The following NPSR1 variants were observed in gnomAD, a reference collection of about 807,000 sequenced individuals.
The protein encoded by NPSR1 is neuropeptide S receptor.
NPSR1 carries 48 observed loss-of-function variants against 46.9 expected under a neutral mutation model. The ratio of observed to expected loss-of-function variants is 1.02; its 90% CI spans 0.81 to 1.30. The LOEUF (loss-of-function observed/expected upper bound fraction) is 1.30. Ranked by LOEUF, NPSR1 falls within the 50% of genes most tolerant of loss-of-function variation. The probability of loss-of-function intolerance (pLI) is 0.00; values close to 1 mark genes in which losing one functional copy is unlikely to be tolerated. For synonymous variants in NPSR1, 176 were observed against 168.1 expected (o/e 1.05, Z -0.36); for missense variants, 450 against 449.5 (o/e 1.00, Z -0.01).
chr7:34,704,877 G>A (rs1333646864), intron 2 of NPSR1, among the ~76,000 whole-genome samples: 1 of 152,182 alleles, frequency 6.6e-6, no homozygotes, highest in African/African-American at 2.4e-5. Flanking sequence ...TATGAACCAA[G>A]TTCTGGGTTT....
At chr7:34,795,346 C>T (rs1454250150) in intron 3 of NPSR1, among the ~76,000 whole-genome samples, 1 of 152,082 alleles carries the variant, frequency 6.6e-6, no homozygotes, top group African/African-American at 2.4e-5. Context: ...AGCTTTCTTG[C>T]TAAGATTAGG....
chr7:34,714,678 G>A (rs1583864921), intron 2 of NPSR1, among the ~76,000 whole-genome samples: 2 of 152,178 alleles, frequency 1.3e-5, no homozygotes, highest in African/African-American at 4.8e-5. Flanking sequence ...CATTTACCTA[G>A]TGGGGGTCTA....
chr7:34,741,604 C>G (rs773630355), intron 2 of NPSR1, among the ~76,000 whole-genome samples: 6 of 152,138 alleles, frequency 3.9e-5, no homozygotes, highest in Non-Finnish European at 8.8e-5. Context: ...CAAAGGCACA[C>G]TTTGTACTGA....
intron 6 of NPSR1, among the ~76,000 whole-genome samples, chr7:34,836,688 G>A (rs1790385694): frequency 6.8e-6 from 1 of 146,542 alleles, no homozygotes; most frequent in South Asian, 2.3e-4. Context: ...GAGAGGGAGG[G>A]AGGGAGAAAG....
downstream of NPSR1, among the ~76,000 whole-genome samples, chr7:34,853,995 AC>A (rs1364737180): frequency 3.8e-3 from 576 of 152,160 alleles, 2 homozygotes; most frequent in African/African-American, 9.8e-3. Flanking sequence ...AACAAAAAAA[AC>A]ATTATTACGC....
In NPSR1 at chr7:34,684,498, AAGAAC is replaced by A. The variant is rs1792822882; in HGVS notation, c.148-53_148-49del. ...TCCAGCCTGGGGCAGGCATTCTGTAAAGAACTCCAGTTCTCACTGGTACACTGGTT... is the reference window on the plus strand; with the variant it reads ...TCCAGCCTGGGGCAGGCATTCTGTAATCCAGTTCTCACTGGTACACTGGTT... On this transcript the variant is annotated intron_variant, in intron 1 of 8. Coordinates refer to ENST00000360581, the MANE Select transcript of NPSR1 (RefSeq NM_207172.2). 33 of 1,578,834 alleles carry A rather than the reference AAGAAC, an allele frequency of 2.1e-5. 1 individual carries two copies. In the South Asian group the frequency reaches 3.9e-4, roughly 18 times the overall value.
At chr7:34,792,550 T>TATATGTACATATATGTAC (rs1787930429) in intron 3 of NPSR1, among the ~76,000 whole-genome samples, 1 of 123,852 alleles carries the variant, frequency 8.1e-6, no homozygotes, top group Non-Finnish European at 1.7e-5. Flanking sequence ...CACACACACA[T>TATATGTACATATATGTAC]ATATATGTAC....
intron 2 of NPSR1, among the ~76,000 whole-genome samples, chr7:34,696,120 G>A (rs959164691): frequency 8.6e-5 from 12 of 140,112 alleles, no homozygotes; most frequent in Non-Finnish European, 1.5e-4. Context: ...ATACACCATA[G>A]AATACTATGC....
At chr7:34,805,494 A>C (rs1219286916) in intron 3 of NPSR1, among the ~76,000 whole-genome samples, 1 of 151,326 alleles carries the variant, frequency 6.6e-6, no homozygotes, top group Non-Finnish European at 1.5e-5. Context: ...AAAAAAAAAA[A>C]AAAAAAACTT....
At chr7:34,756,553 A>G (rs1785866870) in intron 2 of NPSR1, among the ~76,000 whole-genome samples, 1 of 152,210 alleles carries the variant, frequency 6.6e-6, no homozygotes, top group Non-Finnish European at 1.5e-5. Flanking sequence ...GCATTGTAAC[A>G]TGAAAGCAGC....
chr7:34,748,829 A>G (rs771154007), intron 2 of NPSR1, among the ~76,000 whole-genome samples: 99 of 152,118 alleles, frequency 6.5e-4, no homozygotes, highest in Admixed American at 2.9e-3. Flanking sequence ...ATAGAATCCT[A>G]GACACTTATG....
intron 2 of NPSR1, among the ~76,000 whole-genome samples, chr7:34,757,857 A>G (rs1389693958): frequency 6.6e-6 from 1 of 152,224 alleles, no homozygotes; most frequent in East Asian, 1.9e-4. Flanking sequence ...ACTTTGCCCC[A>G]GTATGGGGTA....
chr7:34,699,450 A>G (rs1793708095), intron 2 of NPSR1, among the ~76,000 whole-genome samples: 1 of 152,214 alleles, frequency 6.6e-6, no homozygotes, highest in Non-Finnish European at 1.5e-5. Context: ...TCAAGAAGGG[A>G]GATGTTTTAG....
At chr7:34,721,293 T>C (rs901941099) in intron 2 of NPSR1, among the ~76,000 whole-genome samples, 1 of 152,122 alleles carries the variant, frequency 6.6e-6, no homozygotes, top group East Asian at 1.9e-4. Context: ...AACAACAAAA[T>C]AGGAATGGAA....
chr7:34,698,001 G>A (rs1793619610), intron 2 of NPSR1, among the ~76,000 whole-genome samples: 1 of 151,662 alleles, frequency 6.6e-6, no homozygotes, highest in South Asian at 2.1e-4. Flanking sequence ...AAATGATGCA[G>A]GTTAAAATTA....
At chr7:34,748,972 T>C (rs986317967) in intron 2 of NPSR1, among the ~76,000 whole-genome samples, 1 of 152,100 alleles carries the variant, frequency 6.6e-6, no homozygotes, top group African/African-American at 2.4e-5. Context: ...GCAAGCTACT[T>C]GGAAACTCTA....
chr7:34,837,099 T>C (rs1790403992), intron 6 of NPSR1, among the ~76,000 whole-genome samples: 1 of 152,210 alleles, frequency 6.6e-6, no homozygotes, highest in African/African-American at 2.4e-5. Context: ...ATCAATGTTA[T>C]TGCAGTTATC....
chr7:34,732,072 T>C (rs1784445164), intron 2 of NPSR1, among the ~76,000 whole-genome samples: 1 of 112,788 alleles, frequency 8.9e-6, no homozygotes, highest in Non-Finnish European at 1.8e-5. Context: ...AGAGTGAGAC[T>C]TCATCTCAAA....
chr7:34,814,365 G>A (rs747737383), intron 4 of NPSR1, among the ~76,000 whole-genome samples: 49 of 152,258 alleles, frequency 3.2e-4, no homozygotes, highest in Non-Finnish European at 4.8e-4. Context: ...GCTGAGGCAT[G>A]AGTAGGTAAA....
Sources: gnomAD v4.1 joint callset for allele counts (sites outside exome capture counted in the v4.1 genomes callset) on GRCh38, gnomAD v4.1.1 for gene constraint, MANE v1.5 for transcripts, NCBI Gene and HGNC (gene_info 2026-07-23, HGNC 2026-07-21) for gene names.